The following WFDC10B variants were observed in gnomAD, a reference collection of about 807,000 sequenced individuals.
WFDC10B encodes protein WFDC10B.
Under a neutral mutation model 2.7 loss-of-function variants are expected in WFDC10B, and 1 was observed. The ratio of observed to expected loss-of-function variants is 0.38; its 90% CI spans 0.13 to 1.79. The LOEUF (loss-of-function observed/expected upper bound fraction) is 1.79. Ranked by LOEUF, WFDC10B falls within the 40% of genes most tolerant of loss-of-function variation. The probability of loss-of-function intolerance (pLI) is 0.33; values close to 1 mark genes in which losing one functional copy is unlikely to be tolerated. For missense variants in WFDC10B, 71 were observed against 87.8 expected (o/e 0.81, Z 0.76); for synonymous variants, 26 against 32.2 (o/e 0.81, Z 0.65).
At chr20:45,699,560 C>T (rs78573616) in intron 2 of WFDC10B, among the ~76,000 whole-genome samples, 3,472 of 152,256 alleles carry the variant, frequency 0.023, 143 homozygotes, top group African/African-American at 0.08. Context: ...CATGACAACA[C>T]GTTCTGTTAG....
At chr20:45,685,802 G>T (rs1222076379) in intron 3 of WFDC10B, 100 bp downstream of exon 3, 7 of 1,522,770 alleles carry the variant, frequency 4.6e-6, no homozygotes, top group Non-Finnish European at 6.2e-6. Flanking sequence ...AGCTGGATAT[G>T]CAGAAAGGTT....
chr20:45,691,942 T>G (rs1000508567), intron 2 of WFDC10B, among the ~76,000 whole-genome samples: 2 of 152,242 alleles, frequency 1.3e-5, no homozygotes, highest in Non-Finnish European at 1.5e-5. Context: ...CCATGGTCTT[T>G]ACATTTTGAC....
At chr20:45,703,520 C>T (rs1984258671) in intron 2 of WFDC10B, among the ~76,000 whole-genome samples, 2 of 152,154 alleles carry the variant, frequency 1.3e-5, no homozygotes, top group Admixed American at 6.6e-5. Flanking sequence ...CAATAGAATG[C>T]CCCACTTTTG....
chr20:45,685,805 G>A, intron 3 of WFDC10B, 97 bp downstream of exon 3: 13 of 1,530,578 alleles, frequency 8.5e-6, no homozygotes, highest in Non-Finnish European at 1.1e-5. Flanking sequence ...TGGATATGCA[G>A]AAAGGTTGCA....
At chr20:45,689,080 C>A (rs1381909049) in intron 2 of WFDC10B, among the ~76,000 whole-genome samples, 1 of 148,484 alleles carries the variant, frequency 6.7e-6, no homozygotes, top group African/African-American at 2.5e-5. Flanking sequence ...TTTCCCAGCA[C>A]CATTTATTAA....
chr20:45,704,025 AG>A (rs1238071253), intron 2 of WFDC10B, among the ~76,000 whole-genome samples: 2 of 152,334 alleles, frequency 1.3e-5, no homozygotes, highest in East Asian at 3.9e-4. Context: ...GGTTAACCCC[AG>A]GGTAAACTAT....
At chr20:45,704,788 T>A in intron 1 of WFDC10B, 130 bp downstream of exon 1, 1 of 1,285,206 alleles carries the variant, frequency 7.8e-7, no homozygotes, top group African/African-American at 1.5e-5. Context: ...CCTCCTCCCC[T>A]CCCAATCACC....
intron 2 of WFDC10B, among the ~76,000 whole-genome samples, chr20:45,702,959 G>A (rs1984227738): frequency 6.6e-6 from 1 of 152,208 alleles, no homozygotes; most frequent in South Asian, 2.1e-4. Flanking sequence ...GGGGAGGCTA[G>A]GTCCTGCTTA....
At chr20:45,692,710 G>A (rs536457304) in intron 2 of WFDC10B, among the ~76,000 whole-genome samples, 1 of 152,156 alleles carries the variant, frequency 6.6e-6, no homozygotes, top group East Asian at 1.9e-4. Flanking sequence ...CTCTGTATTG[G>A]TTATTCTAGT....
intron 2 of WFDC10B, among the ~76,000 whole-genome samples, chr20:45,688,495 C>A (rs1366799015): frequency 2.0e-5 from 3 of 152,220 alleles, no homozygotes; most frequent in African/African-American, 7.2e-5. Flanking sequence ...ACATCCTCTC[C>A]AGCACCTGTT....
intron 3 of WFDC10B, 133 bp from the exon 4 acceptor site, chr20:45,685,093 T>G (rs1455568756): frequency 3.5e-6 from 4 of 1,148,082 alleles, no homozygotes; most frequent in Admixed American, 5.4e-5. Flanking sequence ...TTCAGGGAAC[T>G]TCCTTCCAGC....
intron 2 of WFDC10B, among the ~76,000 whole-genome samples, chr20:45,695,535 T>G (rs545399303): frequency 2.0e-4 from 30 of 152,240 alleles, no homozygotes; most frequent in African/African-American, 6.5e-4. Context: ...CTAAATACAT[T>G]TTAAAAGATT....
intron 2 of WFDC10B, among the ~76,000 whole-genome samples, chr20:45,696,771 A>G (rs1983991639): frequency 2.6e-5 from 4 of 152,184 alleles, no homozygotes; most frequent in Admixed American, 2.6e-4. Flanking sequence ...TGAAAAATAC[A>G]CATGACTCTC....
At chr20:45,693,774 C>T (rs901538452) in intron 2 of WFDC10B, among the ~76,000 whole-genome samples, 4 of 152,232 alleles carry the variant, frequency 2.6e-5, no homozygotes, top group East Asian at 3.9e-4. Context: ...TGACCCCTTG[C>T]GCTTCCCGAG....
chr20:45,689,557 G>A lies in WFDC10B; in HGVS notation c.-64-3501C>T, dbSNP rs1009774943. Among the ~76,000 whole-genome samples the A allele has an allele frequency of 3.6e-3, 544 of 152,074 alleles. 1 individual carries two copies. The highest frequency in any genetic ancestry group is 0.012 in the African/African-American group (509 of 41,482). Reference sequence around the variant, plus strand: ...AGTTCTCCTTGAAGAGGTCCTTCACGTCCCTTTTAAGTTGGATTCCTAGGT... The same window carrying A: ...AGTTCTCCTTGAAGAGGTCCTTCACATCCCTTTTAAGTTGGATTCCTAGGT... On this transcript the variant is annotated intron_variant, in intron 2 of 3. Coordinates refer to ENST00000330523, the MANE Select transcript of WFDC10B (RefSeq NM_172006.2).
intron 2 of WFDC10B, among the ~76,000 whole-genome samples, chr20:45,696,068 C>G (rs530940633): frequency 6.6e-6 from 1 of 151,764 alleles, no homozygotes; most frequent in Non-Finnish European, 1.5e-5. Flanking sequence ...AGGCAGATCA[C>G]GAGGTCAGGA....
intron 2 of WFDC10B, among the ~76,000 whole-genome samples, chr20:45,688,674 C>A (rs1460801169): frequency 7.1e-6 from 1 of 140,780 alleles, no homozygotes; most frequent in Admixed American, 7.0e-5. Context: ...CCTTCGCCCA[C>A]TTTTTGATGG....
At chr20:45,698,777 G>A (rs959709652) in intron 2 of WFDC10B, among the ~76,000 whole-genome samples, 29 of 152,038 alleles carry the variant, frequency 1.9e-4, no homozygotes, top group South Asian at 1.9e-3. Flanking sequence ...GACCAGCCTC[G>A]CCAACATGGT....
chr20:45,688,559 T>C (rs1361837061), intron 2 of WFDC10B, among the ~76,000 whole-genome samples: 31 of 152,170 alleles, frequency 2.0e-4, no homozygotes, highest in Admixed American at 2.0e-3. Flanking sequence ...TGATATCCCA[T>C]TGTGGTTTTG....
Sources: gnomAD v4.1 joint callset for allele counts (sites outside exome capture counted in the v4.1 genomes callset) on GRCh38, gnomAD v4.1.1 for gene constraint, MANE v1.5 for transcripts, NCBI Gene and HGNC (gene_info 2026-07-23, HGNC 2026-07-21) for gene names.